The following DLGAP1 variants were observed in gnomAD, a reference collection of about 807,000 sequenced individuals.
DLGAP1 encodes disks large-associated protein 1.
In DLGAP1, 11 loss-of-function variants were observed where a neutral mutation model predicts 90.8. The observed-to-expected ratio is 0.12, with a 90% CI of 0.08 to 0.20. The LOEUF (loss-of-function observed/expected upper bound fraction) is 0.20, where lower values mean the gene tolerates loss of function less well. Ranked by LOEUF, DLGAP1 falls within the 10% of genes least tolerant of loss-of-function variation. DLGAP1 has a pLI of 1.00. For missense variants in DLGAP1, 1,050 were observed against 1,333.8 expected, an observed-to-expected ratio of 0.79 and a Z score of 3.31; for synonymous variants, 558 against 540.7, an observed-to-expected ratio of 1.03 and a Z score of -0.44.
At chr18:4,356,587 A>G (rs1238569477) in intron 1 of DLGAP1, among the ~76,000 whole-genome samples, 1 of 152,164 alleles carries the variant, frequency 6.6e-6, no homozygotes, top group Admixed American at 6.5e-5. Flanking sequence ...TTCAAAATAC[A>G]TCCTGAATCC....
intron 2 of DLGAP1, among the ~76,000 whole-genome samples, chr18:4,045,467 C>CAAAAAA (rs2075038783): frequency 2.4e-5 from 1 of 42,124 alleles, no homozygotes; most frequent in Non-Finnish European, 4.5e-5. Context: ...AAAAAAAAAG[C>CAAAAAA]TTGCCCCTGT....
At chr18:3,988,769 G>T (rs2073895751) in intron 3 of DLGAP1, among the ~76,000 whole-genome samples, 1 of 152,144 alleles carries the variant, frequency 6.6e-6, no homozygotes, top group Non-Finnish European at 1.5e-5. Context: ...ACCAGTCTGT[G>T]GCCTGGGGGC....
chr18:4,386,903 G>A (rs571003), intron 1 of DLGAP1, among the ~76,000 whole-genome samples: 147,573 of 152,306 alleles, frequency 0.97, 71,701 homozygotes, highest in East Asian at 1. Flanking sequence ...CATAATAGGG[G>A]TAATTAGGGT....
intron 1 of DLGAP1, among the ~76,000 whole-genome samples, chr18:4,178,200 TAA>T (rs1283990855): frequency 9.4e-6 from 1 of 106,836 alleles, no homozygotes; most frequent in Non-Finnish European, 1.8e-5. Context: ...GGTCCTGGAA[TAA>T]ACACACACAC....
intron 2 of DLGAP1, among the ~76,000 whole-genome samples, chr18:4,067,466 G>A (rs2075386597): frequency 6.6e-6 from 1 of 151,986 alleles, no homozygotes; most frequent in Non-Finnish European, 1.5e-5. Flanking sequence ...TTCTCCCTTT[G>A]GAATTCAGGC....
At chr18:3,552,071 G>T (rs973119240) in intron 9 of DLGAP1, among the ~76,000 whole-genome samples, 1 of 151,414 alleles carries the variant, frequency 6.6e-6, no homozygotes, top group Admixed American at 6.6e-5. Context: ...GCCTCCTAAA[G>T]ACCTGGGATT....
chr18:4,306,448 TGTGTGTGTGTGTGTGA>T (rs1197165911), intron 1 of DLGAP1, among the ~76,000 whole-genome samples: 13 of 125,900 alleles, frequency 1.0e-4, no homozygotes, highest in African/African-American at 2.7e-4. Context: ...TGTGTGTGTG[TGTGTGTGTGTGTGTGA>T]GAGAGAGAGA....
intron 1 of DLGAP1, among the ~76,000 whole-genome samples, chr18:4,169,602 T>C (rs1051062516): frequency 2.0e-5 from 3 of 152,182 alleles, no homozygotes; most frequent in South Asian, 4.1e-4. Context: ...TCAACCATCA[T>C]AGGAAAGTTT....
chr18:4,053,702 C>T (rs1237946466), intron 2 of DLGAP1, among the ~76,000 whole-genome samples: 3 of 152,244 alleles, frequency 2.0e-5, no homozygotes, highest in East Asian at 1.9e-4. Context: ...TCCTGTACAG[C>T]CTGCAGAACC....
intron 7 of DLGAP1, among the ~76,000 whole-genome samples, chr18:3,609,104 C>T (rs866186782): frequency 1.3e-5 from 2 of 151,704 alleles, no homozygotes; most frequent in African/African-American, 4.8e-5. Context: ...GCTGGGATTA[C>T]AGGCGTGAGC....
chr18:4,039,980 C>T (rs1167260455), intron 2 of DLGAP1, among the ~76,000 whole-genome samples: 2 of 152,202 alleles, frequency 1.3e-5, no homozygotes, highest in African/African-American at 4.8e-5. Context: ...AAAATGCCTT[C>T]CTTCGCTTTA....
At chr18:4,058,640 G>C (rs1439868467) in intron 2 of DLGAP1, among the ~76,000 whole-genome samples, 1 of 152,200 alleles carries the variant, frequency 6.6e-6, no homozygotes, top group East Asian at 1.9e-4. Flanking sequence ...TATGTCAAGA[G>C]GGCAAATGAA....
chr18:4,322,262 A>T (rs1412926994), intron 1 of DLGAP1, among the ~76,000 whole-genome samples: 3 of 152,154 alleles, frequency 2.0e-5, no homozygotes, highest in Non-Finnish European at 4.4e-5. Flanking sequence ...TATAATAATA[A>T]AAACAGCATA....
rs1225276579 is a variant in DLGAP1, at chr18:3,775,671, T to C, written c.1173-33159A>G. 6.6e-6 allele frequency among the ~76,000 whole-genome samples: 1 copy of C among 152,224 alleles called. No individual in the cohort carries two copies. The highest frequency in any genetic ancestry group is 1.9e-4 in the East Asian group (1 of 5,192). On this transcript the variant is annotated intron_variant, in intron 5 of 12. Coordinates refer to ENST00000315677, the MANE Select transcript of DLGAP1 (RefSeq NM_004746.4). The surrounding 1 kb of genome is among the most constrained non-coding windows in gnomAD (Gnocchi z 4.9). Reference sequence around the variant, plus strand: ...ATTTGTGTGCCATTTCTTCTATTAATCTGCCTTTTAAAAGTTGATTTTCAG... The same window carrying C: ...ATTTGTGTGCCATTTCTTCTATTAACCTGCCTTTTAAAAGTTGATTTTCAG...
At chr18:3,864,585 G>C (rs2148759371) in intron 4 of DLGAP1, among the ~76,000 whole-genome samples, 1 of 152,252 alleles carries the variant, frequency 6.6e-6, no homozygotes, top group East Asian at 1.9e-4. Context: ...ATGTACATGA[G>C]GAAATACCCA....
At chr18:4,430,587 G>C (rs1428727667) in intron 1 of DLGAP1, 16 of 149,700 alleles carry the variant, frequency 1.1e-4, no homozygotes, top group African/African-American at 3.9e-4. Flanking sequence ...TTTTCCCGCA[G>C]TTTTATTGAG....
At chr18:4,218,216 T>C (rs888957760) in intron 1 of DLGAP1, among the ~76,000 whole-genome samples, 3 of 151,934 alleles carry the variant, frequency 2.0e-5, no homozygotes, top group African/African-American at 7.2e-5. Context: ...AACATTTGCA[T>C]GAGTCTATTT....
chr18:3,771,212 G>T (rs2064517584), intron 5 of DLGAP1: 1 of 152,226 alleles, frequency 6.6e-6, no homozygotes, highest in African/African-American at 2.4e-5. Flanking sequence ...AATAAACAAA[G>T]CTCCCCTTTC....
chr18:3,837,849 C>CAAAAAAAAAAAAA lies in DLGAP1; in HGVS notation c.958-23589_958-23577dup, dbSNP rs5822770. Among the ~76,000 whole-genome samples the CAAAAAAAAAAAAA allele has an allele frequency of 5.2e-4, 14 of 26,820 alleles. 1 individual carries two copies. Among genetic ancestry groups the CAAAAAAAAAAAAA allele is most frequent in the South Asian group, 3.3e-3 (1 of 302 alleles). 17.6% of individuals were successfully genotyped at this position (26,820 alleles called of 152,430 possible). ...CCTGGGCGACAGAGTGAGATTCTGT[C>CAAAAAAAAAAAAA]AAAAAAAAAAAAAAAAAAAAAAAAA... On this transcript the variant is annotated intron_variant, in intron 4 of 12. Transcript: ENST00000315677.
Sources: gnomAD v4.1 joint callset for allele counts (sites outside exome capture counted in the v4.1 genomes callset) on GRCh38, gnomAD v4.1.1 for gene constraint, Gnocchi (gnomAD v3.1) non-coding constraint, MANE v1.5 for transcripts, NCBI Gene and HGNC (gene_info 2026-07-23, HGNC 2026-07-21) for gene names.